TNFSF4: variants seen among roughly 807,000 people sequenced by gnomAD.
TNFSF4 encodes the protein TNF superfamily member 4.
In TNFSF4, 4 loss-of-function variants were observed where a neutral mutation model predicts 7.3. That is an observed-to-expected ratio of 0.55 (90% CI 0.27 to 1.25). The LOEUF (loss-of-function observed/expected upper bound fraction) is 1.25, where lower values mean the gene tolerates loss of function less well. Ranked by LOEUF, TNFSF4 falls within the 50% of genes most tolerant of loss-of-function variation. The probability of loss-of-function intolerance (pLI) is 0.12; values close to 1 mark genes in which losing one functional copy is unlikely to be tolerated. For missense variants in TNFSF4, 181 were observed against 208.8 expected (o/e 0.87, Z 0.82); for synonymous variants, 76 against 83.7 (o/e 0.91, Z 0.50).
At chr1:173,346,965 G>A in the TNFSF4 span, among the ~76,000 whole-genome samples, 3 of 152,202 alleles carry the variant, frequency 2.0e-5, no homozygotes, top group African/African-American at 7.2e-5. Flanking sequence ...CAAGTAAGAG[G>A]ACTTGATGGC....
the TNFSF4 span, among the ~76,000 whole-genome samples, chr1:173,361,532 G>A: frequency 6.6e-6 from 1 of 152,102 alleles, no homozygotes; most frequent in Non-Finnish European, 1.5e-5. Context: ...CCAGAAGGCG[G>A]AGGTTGCAGT....
At chr1:173,447,223 A>T in the TNFSF4 span, among the ~76,000 whole-genome samples, 1 of 152,238 alleles carries the variant, frequency 6.6e-6, no homozygotes. Flanking sequence ...TGATTGCCAG[A>T]GTTTAGCAGG....
the TNFSF4 span, among the ~76,000 whole-genome samples, chr1:173,279,300 C>G: frequency 6.6e-6 from 1 of 152,184 alleles, no homozygotes; most frequent in African/African-American, 2.4e-5. Context: ...ATGGTTTAAG[C>G]CCATACTCTT....
At chr1:173,415,094 T>C in the TNFSF4 span, among the ~76,000 whole-genome samples, 2 of 152,218 alleles carry the variant, frequency 1.3e-5, no homozygotes, top group African/African-American at 2.4e-5. Flanking sequence ...TCCCCCCTTA[T>C]CCCTGATGTA....
At chr1:173,336,152 G>A in the TNFSF4 span, among the ~76,000 whole-genome samples, 2 of 152,160 alleles carry the variant, frequency 1.3e-5, no homozygotes, top group Admixed American at 1.3e-4. Context: ...CTACTATGGT[G>A]GGAAAGGCCA....
chr1:173,286,506 T>C, the TNFSF4 span, among the ~76,000 whole-genome samples: 11 of 152,202 alleles, frequency 7.2e-5, no homozygotes, highest in Non-Finnish European at 1.5e-4. Context: ...GAAAGTACAG[T>C]CAATTCAATA....
At chr1:173,257,982 G>A in the TNFSF4 span, among the ~76,000 whole-genome samples, 3 of 152,122 alleles carry the variant, frequency 2.0e-5, no homozygotes, top group African/African-American at 4.8e-5. Flanking sequence ...TGAGTCATTC[G>A]TTAGCAGGAG....
Position 173,186,127 on chromosome 1 carries a change from G to A in TNFSF4, c.*389C>T, listed in dbSNP as rs1039935873. On this transcript the variant is annotated 3_prime_UTR_variant, in exon 3 of 3. Coordinates refer to ENST00000281834, the MANE Select transcript of TNFSF4 (RefSeq NM_003326.5). ...TTCATTTTGATAATGCCACACACAT[G>A]TCAAATTTCCAGCAAATGGTAGTCA... 1 of 161,772 alleles carries A rather than the reference G, an allele frequency of 6.2e-6. No individual in the cohort carries two copies. The highest frequency in any genetic ancestry group is 3.6e-5 in the African/African-American group (1 of 27,888). The allele number at this position is 161,772 out of a possible 1,614,324, so 10.0% of individuals were successfully genotyped here.
chr1:173,300,155 TGATA>T, the TNFSF4 span, among the ~76,000 whole-genome samples: 3 of 126,814 alleles, frequency 2.4e-5, no homozygotes, highest in Admixed American at 2.5e-4. Flanking sequence ...AATAGATGAT[TGATA>T]GATACATACA....
chr1:173,351,596 T>C, the TNFSF4 span: 3 of 208,538 alleles, frequency 1.4e-5, no homozygotes, highest in African/African-American at 6.9e-5. Context: ...AGAAGTTCTT[T>C]GAAACTAATG....
downstream of TNFSF4, among the ~76,000 whole-genome samples, chr1:173,183,031 C>T (rs72722845): frequency 0.18 from 27,876 of 152,090 alleles, 2,725 homozygotes; most frequent in Middle Eastern, 0.26. Flanking sequence ...AGAAATTTCC[C>T]GATATTTAAA....
chr1:173,244,563 A>C, the TNFSF4 span, among the ~76,000 whole-genome samples: 3 of 145,430 alleles, frequency 2.1e-5, no homozygotes, highest in African/African-American at 2.6e-5. Context: ...AATGGCGTGA[A>C]CCCGGGAGGT....
At chr1:173,338,167 C>T in the TNFSF4 span, among the ~76,000 whole-genome samples, 5 of 152,190 alleles carry the variant, frequency 3.3e-5, no homozygotes, top group African/African-American at 1.2e-4. Context: ...ACCATTCCCC[C>T]ACAGGAATCA....
chr1:173,233,697 T>G, the TNFSF4 span, among the ~76,000 whole-genome samples: 1 of 152,208 alleles, frequency 6.6e-6, no homozygotes, highest in Non-Finnish European at 1.5e-5. Context: ...AGGGAAATAG[T>G]CGCTGAATTA....
At chr1:173,248,098 G>A in the TNFSF4 span, among the ~76,000 whole-genome samples, 8 of 152,110 alleles carry the variant, frequency 5.3e-5, no homozygotes, top group Non-Finnish European at 1.2e-4. Context: ...GCTCGCACCT[G>A]TAATCCCAGC....
chr1:173,218,421 C>T, the TNFSF4 span, among the ~76,000 whole-genome samples: 1 of 152,130 alleles, frequency 6.6e-6, no homozygotes, highest in Non-Finnish European at 1.5e-5. Flanking sequence ...CAAGGGCCAC[C>T]GCCCACTTCC....
At chr1:173,442,552 T>G in the TNFSF4 span, among the ~76,000 whole-genome samples, 8 of 100,796 alleles carry the variant, frequency 7.9e-5, no homozygotes, top group East Asian at 1.2e-3. Flanking sequence ...TTTGTTTTTG[T>G]TTTTTTTTTT....
At chr1:173,223,801 A>G in the TNFSF4 span, among the ~76,000 whole-genome samples, 109 of 152,344 alleles carry the variant, frequency 7.2e-4, no homozygotes, top group South Asian at 2.1e-3. Context: ...GGGAAACTCT[A>G]TCACGCCTCG....
At chr1:173,191,321 C>T (rs1649467259) in intron 1 of TNFSF4, among the ~76,000 whole-genome samples, 1 of 152,188 alleles carries the variant, frequency 6.6e-6, no homozygotes, top group African/African-American at 2.4e-5. Context: ...GTATCCTGTT[C>T]CTTCTCCTGA....
Sources: gnomAD v4.1 joint callset for allele counts (sites outside exome capture counted in the v4.1 genomes callset) on GRCh38, gnomAD v4.1.1 for gene constraint, MANE v1.5 for transcripts, NCBI Gene and HGNC (gene_info 2026-07-23, HGNC 2026-07-21) for gene names.